Variants in ARHGEF18 observed in about 807,000 individuals in gnomAD.
The protein encoded by ARHGEF18 is rho guanine nucleotide exchange factor 18.
A neutral mutation model predicts 155.7 loss-of-function variants in ARHGEF18; 93 were observed. The ratio of observed to expected loss-of-function variants is 0.60; its 90% CI spans 0.50 to 0.71. The LOEUF (loss-of-function observed/expected upper bound fraction) is 0.71. Ranked by LOEUF, ARHGEF18 falls within the 30% of genes least tolerant of loss-of-function variation. The probability of loss-of-function intolerance (pLI) is 0.00; values close to 1 mark genes in which losing one functional copy is unlikely to be tolerated. For synonymous variants in ARHGEF18, 742 were observed against 753.1 expected, an observed-to-expected ratio of 0.99 and a Z score of 0.24; for missense variants, 1,593 against 1,816.1, an observed-to-expected ratio of 0.88 and a Z score of 2.23.
rs1555729789 is a variant in ARHGEF18, at chr19:7,466,836, A to AAAG, written c.2905-66_2905-64dup. 98 of 1,094,910 alleles carry AAAG rather than the reference A, an allele frequency of 9.0e-5. 1 individual carries two copies. The highest frequency in any genetic ancestry group is 5.7e-4 in the African/African-American group (32 of 56,488). 67.8% of individuals were successfully genotyped at this position (1,094,910 alleles called of 1,614,324 possible). ...AAAAAAAAAAAAAAAAGTTAAAAAA[A>AAAG]AAGAAGAAGAAGAAGAAGGCTTGAG... is the stretch of plus-strand genomic sequence containing the variant. On this transcript the variant is annotated intron_variant, in intron 23 of 28. Coordinates refer to ENST00000668164, the MANE Select transcript of ARHGEF18 (RefSeq NM_001367823.1).
At chr19:7,454,083 G>A (rs1820879881) in intron 17 of ARHGEF18, among the ~76,000 whole-genome samples, 1 of 150,832 alleles carries the variant, frequency 6.6e-6, no homozygotes, top group South Asian at 2.1e-4. Flanking sequence ...GGATTGGTAG[G>A]TGCCATATGG....
At chr19:7,439,946 C>A (rs1974518036) in intron 10 of ARHGEF18, 2 of 1,508,020 alleles carry the variant, frequency 1.3e-6, no homozygotes, top group African/African-American at 1.4e-5. Context: ...AGTAAATGGT[C>A]ACAGTGGGGA....
chr19:7,351,252 G>T (rs1225855209), intron 1 of ARHGEF18, among the ~76,000 whole-genome samples: 8 of 152,188 alleles, frequency 5.3e-5, no homozygotes, highest in Admixed American at 1.3e-4. Flanking sequence ...AATGTTCTGG[G>T]TCATACCCAT....
chr19:7,350,016 T>C (rs2145303510), intron 1 of ARHGEF18, among the ~76,000 whole-genome samples: 1 of 152,190 alleles, frequency 6.6e-6, no homozygotes, highest in East Asian at 1.9e-4. Context: ...AGAGAGCACA[T>C]CCCTCCACCC....
intron 10 of ARHGEF18, chr19:7,439,884 G>A: frequency 8.2e-7 from 1 of 1,223,196 alleles, no homozygotes; most frequent in Non-Finnish European, 1.1e-6. Context: ...TGGAGGGGTT[G>A]TTTTTTTTTT....
chr19:7,479,632 A>C, the ARHGEF18 span, among the ~76,000 whole-genome samples: 1 of 152,246 alleles, frequency 6.6e-6, no homozygotes, highest in Non-Finnish European at 1.5e-5. Flanking sequence ...CCCCCTGCTC[A>C]CTGCAAATCC....
At chr19:7,358,236 T>TCCATCCAC (rs1254752973) in intron 1 of ARHGEF18, among the ~76,000 whole-genome samples, 60 of 130,718 alleles carry the variant, frequency 4.6e-4, no homozygotes, top group Admixed American at 8.5e-4. Flanking sequence ...CATCCATCCA[T>TCCATCCAC]CCATCCACCC....
chr19:7,464,330 A>G (rs6603094), intron 22 of ARHGEF18, among the ~76,000 whole-genome samples: 121,512 of 152,114 alleles, frequency 0.8, 49,267 homozygotes, highest in African/African-American at 0.93. Context: ...GAGCCACCGC[A>G]CCCAGCCGAT....
chr19:7,457,303 G>A (rs905127577), intron 18 of ARHGEF18, among the ~76,000 whole-genome samples: 5 of 144,962 alleles, frequency 3.4e-5, no homozygotes, highest in African/African-American at 1.3e-4. Flanking sequence ...ATGCCAGTCA[G>A]ATTGGATTTG....
chr19:7,350,209 T>A (rs187276740), intron 1 of ARHGEF18, among the ~76,000 whole-genome samples: 1 of 152,250 alleles, frequency 6.6e-6, no homozygotes, highest in East Asian at 1.9e-4. Flanking sequence ...CCCCCAATGC[T>A]GCAGGGCAGG....
chr19:7,376,942 C>T (rs74255771), intron 5 of ARHGEF18, among the ~76,000 whole-genome samples, 185 bp downstream of exon 5: 19,275 of 152,124 alleles, frequency 0.13, 3,441 homozygotes, highest in African/African-American at 0.39. Context: ...CTGAGCAGAA[C>T]GCTGGGGGAA....
chr19:7,357,542 G>A (rs776543742), intron 1 of ARHGEF18, among the ~76,000 whole-genome samples: 1 of 152,172 alleles, frequency 6.6e-6, no homozygotes, highest in Admixed American at 6.5e-5. Flanking sequence ...AAGCATGGGG[G>A]TGGGGAGCAG....
chr19:7,391,930 C>G (rs906634082), intron 10 of ARHGEF18, among the ~76,000 whole-genome samples: 3 of 151,950 alleles, frequency 2.0e-5, no homozygotes, highest in African/African-American at 7.3e-5. Flanking sequence ...TCCTAGCGCC[C>G]CTGGTCCATG....
At chr19:7,468,162 C>G (rs1249984906) in intron 26 of ARHGEF18, among the ~76,000 whole-genome samples, 2 of 151,324 alleles carry the variant, frequency 1.3e-5, no homozygotes, top group Non-Finnish European at 2.9e-5. Flanking sequence ...GATCACGCCA[C>G]TGCACTCCAG....
intron 10 of ARHGEF18, among the ~76,000 whole-genome samples, chr19:7,391,832 A>G (rs943635362): frequency 4.6e-5 from 7 of 152,028 alleles, no homozygotes; most frequent in Non-Finnish European, 8.8e-5. Context: ...CCCTGCCACC[A>G]CCACCGAGAA....
At position 7,395,983 on chromosome 19, in the gene ARHGEF18, C is replaced by A. The variant is rs1383299133; in HGVS notation, c.967+12780C>A. 1.3e-5 allele frequency among the ~76,000 whole-genome samples: 2 copies of A among 152,066 alleles called. No individual in the cohort carries two copies. Among genetic ancestry groups the A allele is most frequent in the African/African-American group, 4.8e-5 (2 of 41,404 alleles). On this transcript the variant is annotated intron_variant, in intron 10 of 28. Transcript: ENST00000668164. This position sits in a 1 kb window ranked among gnomAD's most constrained non-coding sequence, Gnocchi z 5.0. The stretch of plus-strand genomic sequence containing the variant: ...CATAGTACTCAATAGATAGTTTCAA[C>A]CCTTGACCTCCTCCTTCCCTTCCCG...
intron 27 of ARHGEF18, 80 bp downstream of exon 27, chr19:7,469,211 T>C: frequency 7.0e-7 from 1 of 1,437,842 alleles, no homozygotes; most frequent in Non-Finnish European, 9.2e-7. Context: ...AGCCAGGAAA[T>C]TCGGGACACC....
chr19:7,454,948 C>T (rs1047047590), intron 17 of ARHGEF18, among the ~76,000 whole-genome samples: 9 of 152,146 alleles, frequency 5.9e-5, no homozygotes, highest in African/African-American at 2.2e-4. Flanking sequence ...GCATCCCACT[C>T]GCTGCCCAGG....
In ARHGEF18 at chr19:7,363,716, GAAGA is replaced by G. The variant is rs558981615; in HGVS notation, c.15+816_15+819del. On this transcript the variant is annotated intron_variant, in intron 2 of 28. Transcript: ENST00000668164. ...AGAAATGTGAGTGGAAGGAAGGAAG[GAAGA>G]AAGATGGATGGGTGAAAGGAAGGAA... Among the ~76,000 whole-genome samples the G allele has an allele frequency of 1.3e-4, 19 of 149,772 alleles. No homozygotes were observed. In the South Asian group the frequency reaches 3.6e-3, roughly 29 times the overall value.
Sources: allele counts gnomAD v4.1 joint callset (sites outside exome capture counted in the v4.1 genomes callset), GRCh38; gene constraint gnomAD v4.1.1; non-coding constraint Gnocchi (gnomAD v3.1); transcripts MANE v1.5; gene names NCBI Gene and HGNC (gene_info 2026-07-23, HGNC 2026-07-21).